Variants in TCOF1 observed in about 807,000 individuals in gnomAD.
TCOF1 encodes treacle ribosome biogenesis factor 1.
TCOF1 carries 33 observed loss-of-function variants against 149.0 expected under a neutral mutation model. That is an observed-to-expected ratio of 0.22 (90% CI 0.17 to 0.30). TCOF1 has a LOEUF of 0.30. TCOF1 is among the 10% of genes least tolerant of loss of function. TCOF1 has a pLI of 1.00. For synonymous variants in TCOF1, 789 were observed against 738.8 expected, an observed-to-expected ratio of 1.07 and a Z score of -1.10; for missense variants, 1,728 against 1,840.7, an observed-to-expected ratio of 0.94 and a Z score of 1.12.
chr5:150,389,839 C>T (rs747318984), intron 18 of TCOF1, 48 bp from the exon 19 acceptor site: 17 of 1,613,756 alleles, frequency 1.1e-5, no homozygotes, highest in African/African-American at 6.7e-5. Context: ...GCTGAGGAGG[C>T]GATGGGGCTT....
chr5:150,397,341 C>T (rs1220512696), intron 24 of TCOF1, among the ~76,000 whole-genome samples: 2 of 152,028 alleles, frequency 1.3e-5, no homozygotes, highest in African/African-American at 2.4e-5. Flanking sequence ...CCTGCTTCTC[C>T]AGCCAGCTCC....
chr5:150,358,323 A>C (rs1227612988), intron 1 of TCOF1, among the ~76,000 whole-genome samples: 1 of 151,838 alleles, frequency 6.6e-6, no homozygotes, highest in Non-Finnish European at 1.5e-5. Flanking sequence ...GCCTTTAGCG[A>C]TTGTCTGTAC....
chr5:150,357,885 G>A, intron 1 of TCOF1, 31 bp downstream of exon 1: 1 of 1,543,876 alleles, frequency 6.5e-7, no homozygotes, highest in Non-Finnish European at 8.7e-7. Context: ...TGCGAGGGCC[G>A]CGTGCAAGAT....
chr5:150,384,163 A>G (rs1185970298), intron 17 of TCOF1: 2 of 1,048,844 alleles, frequency 1.9e-6, no homozygotes, highest in East Asian at 7.7e-5. Context: ...GTAAGGTCAG[A>G]TGCTGTTTGC....
At chr5:150,384,013 C>T in intron 17 of TCOF1, 3 of 1,380,560 alleles carry the variant, frequency 2.2e-6, no homozygotes, top group Non-Finnish European at 2.8e-6. Context: ...CCAGAAGCTT[C>T]TGCCAGGCAC....
Position 150,372,279 on chromosome 5 carries a change from C to T in TCOF1, c.870+43C>T, listed in dbSNP as rs1435421302. ...GCTGCCCCTTGGAGGACCTGCGGGTCCCCCAGCAGCCTGAGCACTCTGCCA... is the reference window on the plus strand; with the variant it reads ...GCTGCCCCTTGGAGGACCTGCGGGTTCCCCAGCAGCCTGAGCACTCTGCCA... On this transcript the variant is annotated intron_variant, in intron 7 of 26. Transcript: ENST00000643257. 4 of 1,533,658 alleles carry T rather than the reference C, an allele frequency of 2.6e-6. No individual in the cohort carries two copies. In the South Asian group the frequency reaches 3.5e-5, roughly 14 times the overall value.
chr5:150,359,233 G>C (rs1414572938), intron 1 of TCOF1, among the ~76,000 whole-genome samples: 1 of 151,308 alleles, frequency 6.6e-6, no homozygotes, highest in South Asian at 2.1e-4. Context: ...TGTAGTCCCA[G>C]TTACTCGGGA....
intron 17 of TCOF1, chr5:150,380,566 T>G (rs561573577): frequency 5.9e-5 from 9 of 151,458 alleles, no homozygotes; most frequent in Non-Finnish European, 1.3e-4. Flanking sequence ...CCCTGGAGAG[T>G]GGGGAGAAAG....
intron 2 of TCOF1, among the ~76,000 whole-genome samples, chr5:150,363,031 C>T (rs1760518244): frequency 1.3e-5 from 2 of 152,048 alleles, no homozygotes. Context: ...ATAATGATGG[C>T]AATTATCTCA....
chr5:150,387,193 C>T (rs542227092), intron 17 of TCOF1, among the ~76,000 whole-genome samples: 5 of 152,216 alleles, frequency 3.3e-5, no homozygotes, highest in Non-Finnish European at 7.3e-5. Flanking sequence ...GTTGATCTAC[C>T]CAGTCAGTGT....
intron 17 of TCOF1, among the ~76,000 whole-genome samples, chr5:150,385,312 T>C (rs941254531): frequency 6.6e-5 from 10 of 152,212 alleles, no homozygotes; most frequent in African/African-American, 2.4e-4. Context: ...CATAATTGGT[T>C]CTAGAAGGAG....
At chr5:150,378,834 G>GTGTAT in intron 14 of TCOF1, 71 bp from the exon 15 acceptor site, 1 of 1,610,126 alleles carries the variant, frequency 6.2e-7, no homozygotes, top group African/African-American at 1.3e-5. Context: ...CAGCTCCAGA[G>GTGTAT]TCTGTATTCT....
At chr5:150,373,123 C>A (rs1762911968) in intron 7 of TCOF1, among the ~76,000 whole-genome samples, 1 of 152,074 alleles carries the variant, frequency 6.6e-6, no homozygotes, top group Admixed American at 6.5e-5. Flanking sequence ...CTCTGTTGCC[C>A]AAGCTGGAGT....
Position 150,374,259 on chromosome 5 carries a change from C to T in TCOF1, c.956C>T (p.Pro319Leu), listed in dbSNP as rs764004642. ...GTPGKGATPA[P>L]PGKAGAVASQ... ...CCTGGGAAAGGGGCTACCCCAGCAC[C>T]CCCTGGGAAGGCAGGGGCTGTAGCC... is the stretch of plus-strand genomic sequence containing the variant. The change falls in exon 8 of 27, where the codon CCC becomes CTC. Residue 319 changes from proline to leucine, a missense_variant. Pro to Leu is a moderately conservative substitution (Grantham distance 98). Transcript: ENST00000643257. The T allele has an allele frequency of 1.2e-6, 2 of 1,608,128 alleles. No homozygotes were observed. Among genetic ancestry groups the T allele is most frequent in the Non-Finnish European group, 1.7e-6 (2 of 1,177,226 alleles).
intron 15 of TCOF1, 33 bp from the exon 16 acceptor site, chr5:150,379,196 T>A (rs750515678): frequency 2.5e-6 from 4 of 1,614,030 alleles, no homozygotes; most frequent in Non-Finnish European, 3.4e-6. Flanking sequence ...GAATCACTTT[T>A]GCCTCCAATA....
chr5:150,399,114 G>T, intron 26 of TCOF1, 44 bp downstream of exon 26: 3 of 1,609,182 alleles, frequency 1.9e-6, no homozygotes, highest in Non-Finnish European at 1.7e-6. Flanking sequence ...TGGGAGGACA[G>T]CTCTGGTGTC....
rs756677941 is a variant in TCOF1, at chr5:150,379,413, G to C, written c.2658+5G>C. 5.0e-6 allele frequency: 8 copies of C among 1,613,760 alleles called. No individual in the cohort carries two copies. Among genetic ancestry groups the C allele is most frequent in the South Asian group, 1.1e-5 (1 of 91,068 alleles). On this transcript the variant is annotated splice_donor_5th_base_variant and intron_variant, in intron 16 of 26. Coordinates refer to ENST00000643257, the MANE Select transcript of TCOF1 (RefSeq NM_001371623.1). ...GAGGCGGAGACGCTGGCTCAGGTGA[G>C]GGGGAGGGAATGGAGATCATCCCCT...
chr5:150,380,103 A>G (rs1764786724), intron 17 of TCOF1: 2 of 265,700 alleles, frequency 7.5e-6, no homozygotes, highest in Non-Finnish European at 1.5e-5. Context: ...AAGAAAAGTG[A>G]AAAACCAGGG....
In TCOF1 at chr5:150,375,747, G is replaced by A. The variant is rs1375468821; in HGVS notation, c.1731G>A (p.Gln577=). 1 of 1,614,242 alleles carries A rather than the reference G, an allele frequency of 6.2e-7. No individual in the cohort carries two copies. The highest frequency in any genetic ancestry group is 1.1e-5 in the South Asian group (1 of 91,082). The change falls in exon 12 of 27, where the codon CAG becomes CAA. Residue 577 remains glutamine (Q), a synonymous_variant. Coordinates refer to ENST00000643257, the MANE Select transcript of TCOF1 (RefSeq NM_001371623.1). ...AQEKSLGNIL[Q]AKPTSSPAKG... The stretch of plus-strand genomic sequence containing the variant: ...AAAAGTCCTTGGGGAACATCCTCCA[G>A]GCCAAACCCACCTCCAGTCCTGCCA...
Sources: allele counts gnomAD v4.1 joint callset (sites outside exome capture counted in the v4.1 genomes callset), GRCh38; gene constraint gnomAD v4.1.1; transcripts MANE v1.5; gene names NCBI Gene and HGNC (gene_info 2026-07-23, HGNC 2026-07-21).